Variants in SPATA6 observed in about 807,000 individuals in gnomAD.
The protein encoded by SPATA6 is spermatogenesis associated 6.
Under a neutral mutation model 65.3 loss-of-function variants are expected in SPATA6, and 56 were observed. The observed-to-expected ratio is 0.86, with a 90% CI of 0.69 to 1.07. SPATA6 has a LOEUF of 1.07. Ranked by LOEUF, SPATA6 falls within the 50% of genes least tolerant of loss-of-function variation. The pLI is 0.00. For missense variants in SPATA6, 590 were observed against 594.8 expected (o/e 0.99, Z 0.08); for synonymous variants, 199 against 213.2 (o/e 0.93, Z 0.58).
the SPATA6 span, among the ~76,000 whole-genome samples, chr1:48,274,237 A>G: frequency 2.0e-5 from 3 of 152,126 alleles, no homozygotes; most frequent in South Asian, 6.2e-4. Flanking sequence ...GATTCTGGAT[A>G]TTAGCCCTAT....
chr1:48,369,826 C>T (rs575211801), intron 9 of SPATA6, among the ~76,000 whole-genome samples: 4 of 152,278 alleles, frequency 2.6e-5, no homozygotes, highest in South Asian at 4.1e-4. Context: ...GAGATGAACC[C>T]GGTACCTCAG....
chr1:48,436,894 T>C (rs1427777306), intron 3 of SPATA6: 1 of 1,613,232 alleles, frequency 6.2e-7, no homozygotes, highest in Non-Finnish European at 8.5e-7. Flanking sequence ...AGGTGTAGAC[T>C]CTGGAATTGG....
At chr1:48,400,138 A>G (rs1421728118) in intron 6 of SPATA6, among the ~76,000 whole-genome samples, 1 of 151,914 alleles carries the variant, frequency 6.6e-6, no homozygotes, top group East Asian at 1.9e-4. Flanking sequence ...ATATATCTGT[A>G]CAACACAAAA....
At position 48,438,076 on chromosome 1, in the gene SPATA6, G is replaced by A. The variant is rs200608295; in HGVS notation, c.238+13476C>T. 2.4e-4 allele frequency among the ~76,000 whole-genome samples: 36 copies of A among 152,154 alleles called. 2 individuals carry two copies. The East Asian group carries it at 2.7e-3, about 11-fold the overall frequency. ...CCACCCCAGCCAGCAGCGGCAACCC[G>A]CTCAGGTCCCCTTCCACGCTGTGGA... On this transcript the variant is annotated intron_variant, in intron 3 of 12. Transcript: ENST00000371847.
chr1:48,279,918 C>T, the SPATA6 span, among the ~76,000 whole-genome samples: 3 of 152,172 alleles, frequency 2.0e-5, no homozygotes, highest in East Asian at 3.9e-4. Flanking sequence ...CCAAAACTGA[C>T]CACATAGTTG....
chr1:48,357,642 TGTATA>T (rs1375414822), intron 10 of SPATA6, among the ~76,000 whole-genome samples: 1 of 152,148 alleles, frequency 6.6e-6, no homozygotes, highest in Non-Finnish European at 1.5e-5. Context: ...TTCAATAGAT[TGTATA>T]AACACCCTAC....
intron 3 of SPATA6, among the ~76,000 whole-genome samples, chr1:48,442,008 A>G (rs940300451): frequency 5.3e-5 from 8 of 152,178 alleles, no homozygotes; most frequent in Non-Finnish European, 7.4e-5. Flanking sequence ...TGGGGAACCA[A>G]TCGAGCATGA....
Position 48,423,697 on chromosome 1 carries a change from G to A in SPATA6, c.239-10546C>T, listed in dbSNP as rs946025960. Among the ~76,000 whole-genome samples the A allele has an allele frequency of 3.3e-5, 5 of 150,478 alleles. No homozygotes were observed. The South Asian group carries it at 6.4e-4, about 19-fold the overall frequency. On this transcript the variant is annotated intron_variant, in intron 3 of 12. Transcript: ENST00000371847. ...CGAGTAGCTGGAATTATAGGCATCC[G>A]CCACCATGCCCGGCTAATGTTTGTA...
chr1:48,289,147 T>A, the SPATA6 span, among the ~76,000 whole-genome samples: 1 of 152,308 alleles, frequency 6.6e-6, no homozygotes, highest in South Asian at 2.1e-4. Flanking sequence ...GAGACGAAGC[T>A]TCCAGAGGAA....
chr1:48,262,827 C>G, the SPATA6 span: 1 of 152,034 alleles, frequency 6.6e-6, no homozygotes, highest in Admixed American at 6.5e-5. Flanking sequence ...TTTAAAATCA[C>G]AAAATAATGG....
intron 9 of SPATA6, among the ~76,000 whole-genome samples, chr1:48,365,980 T>C (rs1570319357): frequency 6.6e-6 from 1 of 152,236 alleles, no homozygotes; most frequent in African/African-American, 2.4e-5. Flanking sequence ...CAATACCTAA[T>C]CTATTGAGAC....
chr1:48,275,156 A>C, the SPATA6 span, among the ~76,000 whole-genome samples: 2 of 152,196 alleles, frequency 1.3e-5, no homozygotes, highest in African/African-American at 2.4e-5. Context: ...TTATTGGTAC[A>C]TAGGAATGCT....
chr1:48,326,867 AC>A (rs1645777744), intron 11 of SPATA6, among the ~76,000 whole-genome samples: 1 of 152,196 alleles, frequency 6.6e-6, no homozygotes, highest in Non-Finnish European at 1.5e-5. Flanking sequence ...TATATTAAAG[AC>A]TTAAATGTAA....
intron 11 of SPATA6, among the ~76,000 whole-genome samples, chr1:48,311,005 A>G (rs1413163371): frequency 6.6e-6 from 1 of 152,188 alleles, no homozygotes; most frequent in African/African-American, 2.4e-5. Flanking sequence ...AGCACAAGGG[A>G]CACTAGAAAA....
chr1:48,464,571 A>C (rs1208679087), intron 1 of SPATA6, among the ~76,000 whole-genome samples: 31 of 152,242 alleles, frequency 2.0e-4, no homozygotes. Context: ...AAATAGTGTT[A>C]TATTCATTTA....
At chr1:48,397,973 GTTTA>G (rs1161872848) in intron 7 of SPATA6, among the ~76,000 whole-genome samples, 1 of 151,450 alleles carries the variant, frequency 6.6e-6, no homozygotes, top group East Asian at 1.9e-4. Flanking sequence ...AAATATTTCA[GTTTA>G]TTTTTGTACA....
intron 3 of SPATA6, among the ~76,000 whole-genome samples, chr1:48,416,299 T>A (rs1652778038): frequency 6.6e-6 from 1 of 152,224 alleles, no homozygotes; most frequent in South Asian, 2.1e-4. Context: ...ATCTGACTTG[T>A]CTCAGAAACC....
chr1:48,399,816 G>A (rs12032412), intron 6 of SPATA6, among the ~76,000 whole-genome samples, 172 bp from the exon 7 acceptor site: 1 of 151,706 alleles, frequency 6.6e-6, no homozygotes, highest in African/African-American at 2.4e-5. Context: ...CATTCTCCTA[G>A]ATAACTCTTT....
At chr1:48,400,645 A>C in intron 6 of SPATA6, 1 of 419,876 alleles carries the variant, frequency 2.4e-6, no homozygotes, top group Non-Finnish European at 3.9e-6. Flanking sequence ...TAAGTGAATA[A>C]AATACAAATG....
Sources: gnomAD v4.1 joint callset for allele counts (sites outside exome capture counted in the v4.1 genomes callset) on GRCh38, gnomAD v4.1.1 for gene constraint, MANE v1.5 for transcripts, NCBI Gene and HGNC (gene_info 2026-07-23, HGNC 2026-07-21) for gene names.